Variants in NALF1 observed in about 807,000 individuals in gnomAD.
NALF1 encodes the protein NALCN channel auxiliary factor 1, also known as family with sequence similarity 155 member A.
A neutral mutation model predicts 48.4 loss-of-function variants in NALF1; 3 were observed. That is an observed-to-expected ratio of 0.06 (90% CI 0.03 to 0.16). The LOEUF (loss-of-function observed/expected upper bound fraction) is 0.16, where lower values mean the gene tolerates loss of function less well. Among genes scored for constraint, NALF1 ranks in the 10% least tolerant of loss-of-function variants. The pLI is 1.00. For missense variants in NALF1, 526 were observed against 571.5 expected, an observed-to-expected ratio of 0.92 and a Z score of 0.81; for synonymous variants, 262 against 245.7, an observed-to-expected ratio of 1.07 and a Z score of -0.62.
intron 1 of NALF1, among the ~76,000 whole-genome samples, chr13:107,333,666 A>C (rs1025627924): frequency 3.9e-5 from 6 of 152,232 alleles, no homozygotes; most frequent in African/African-American, 1.4e-4. Context: ...GAAAAAGACC[A>C]AATACTCATA....
chr13:107,691,020 C>T (rs988633009), intron 1 of NALF1, among the ~76,000 whole-genome samples: 3 of 152,188 alleles, frequency 2.0e-5, no homozygotes, highest in East Asian at 1.9e-4. Flanking sequence ...TAACTTACTT[C>T]GTAAATTCAG....
chr13:107,775,235 G>A (rs1456577704), intron 1 of NALF1, among the ~76,000 whole-genome samples: 1 of 127,502 alleles, frequency 7.8e-6, no homozygotes, highest in Non-Finnish European at 1.6e-5. Context: ...TCCCCAGAGT[G>A]TGATGTTCCC....
chr13:107,802,319 C>G (rs73585696), intron 1 of NALF1, among the ~76,000 whole-genome samples: 4,189 of 152,182 alleles, frequency 0.028, 191 homozygotes, highest in African/African-American at 0.095. Context: ...GACGAAATTA[C>G]TCCTTCCTAA....
intron 1 of NALF1, among the ~76,000 whole-genome samples, chr13:107,608,561 A>C (rs569172144): frequency 6.6e-6 from 1 of 152,326 alleles, no homozygotes; most frequent in East Asian, 1.9e-4. Flanking sequence ...AAAACCCTAA[A>C]ATACATACGA....
chr13:107,166,210 G>A lies in NALF1; in HGVS notation c.*4287C>T, dbSNP rs533657358. ...CTAATCGGCGGATCTCCCAAGGTCA[G>A]GAGTTCAAGACTAGCCTGGCCAACA... On this transcript the variant is annotated 3_prime_UTR_variant, in exon 3 of 3. Transcript: ENST00000375915. 6 of 152,218 alleles carry A rather than the reference G, an allele frequency of 3.9e-5. No homozygotes were observed. Among genetic ancestry groups the A allele is most frequent in the Non-Finnish European group, 8.8e-5 (6 of 68,076 alleles). 9.4% of individuals were successfully genotyped at this position (152,218 alleles called of 1,614,324 possible).
chr13:107,455,708 A>G (rs951559300), intron 1 of NALF1, among the ~76,000 whole-genome samples: 7 of 152,052 alleles, frequency 4.6e-5, no homozygotes, highest in Admixed American at 4.6e-4. Context: ...TCCTCTCCCC[A>G]CTAACCTCTG....
chr13:107,733,207 C>T (rs1246543739), intron 1 of NALF1, among the ~76,000 whole-genome samples: 1 of 152,150 alleles, frequency 6.6e-6, no homozygotes, highest in Non-Finnish European at 1.5e-5. Context: ...ATGCCTTATG[C>T]CGACTTAAAC....
intron 1 of NALF1, among the ~76,000 whole-genome samples, chr13:107,575,999 T>A (rs959791825): frequency 4.6e-5 from 1 of 21,580 alleles, no homozygotes; most frequent in African/African-American, 5.7e-5. Context: ...TGCATGTATA[T>A]GTGTGTGTGT....
chr13:107,558,227 GTC>G, intron 1 of NALF1, among the ~76,000 whole-genome samples: 1 of 152,030 alleles, frequency 6.6e-6, no homozygotes, highest in East Asian at 1.9e-4. Flanking sequence ...TATTCCTTGA[GTC>G]TCTTTTTTTT....
At chr13:107,307,581 T>C (rs1481549006) in intron 1 of NALF1, among the ~76,000 whole-genome samples, 1 of 149,858 alleles carries the variant, frequency 6.7e-6, no homozygotes, top group East Asian at 2.0e-4. Flanking sequence ...CCTCCCGAGT[T>C]CAGGCGATTC....
intron 1 of NALF1, among the ~76,000 whole-genome samples, chr13:107,239,000 G>A (rs879741741): frequency 1.3e-4 from 20 of 152,072 alleles, no homozygotes; most frequent in Non-Finnish European, 2.4e-4. Context: ...TATTCAAAAA[G>A]AAATATGAAA....
At chr13:107,635,919 T>C (rs1344096019) in intron 1 of NALF1, among the ~76,000 whole-genome samples, 1 of 152,046 alleles carries the variant, frequency 6.6e-6, no homozygotes, top group African/African-American at 2.4e-5. Flanking sequence ...ATCCTAAACC[T>C]CAATAAAATT....
At chr13:107,636,850 T>C (rs1879990305) in intron 1 of NALF1, among the ~76,000 whole-genome samples, 1 of 149,868 alleles carries the variant, frequency 6.7e-6, no homozygotes, top group Non-Finnish European at 1.5e-5. Flanking sequence ...GATTTAATTT[T>C]GTTGTCTTCT....
intron 1 of NALF1, among the ~76,000 whole-genome samples, chr13:107,661,512 A>G (rs1214460700): frequency 6.6e-6 from 1 of 152,180 alleles, no homozygotes; most frequent in Non-Finnish European, 1.5e-5. Context: ...GGCCAACTGA[A>G]CTAGTAGCAC....
chr13:107,767,848 T>C (rs936826239), intron 1 of NALF1, among the ~76,000 whole-genome samples: 2 of 152,198 alleles, frequency 1.3e-5, no homozygotes, highest in Non-Finnish European at 2.9e-5. Context: ...TGCTAAATCT[T>C]TAAAGAGCGT....
At chr13:107,722,680 C>T (rs1876019797) in intron 1 of NALF1, among the ~76,000 whole-genome samples, 1 of 152,182 alleles carries the variant, frequency 6.6e-6, no homozygotes, top group Non-Finnish European at 1.5e-5. Context: ...TAAATCAAAC[C>T]TGGGCTATCT....
chr13:107,642,050 A>G (rs1880171837), intron 1 of NALF1, among the ~76,000 whole-genome samples: 1 of 152,196 alleles, frequency 6.6e-6, no homozygotes, highest in South Asian at 2.1e-4. Context: ...TCCTCAGACC[A>G]GCAGCATCAA....
intron 1 of NALF1, among the ~76,000 whole-genome samples, chr13:107,330,067 G>A (rs902213657): frequency 2.0e-5 from 3 of 152,150 alleles, no homozygotes; most frequent in Non-Finnish European, 4.4e-5. Flanking sequence ...AAATCATGCA[G>A]ATCTCCCTGC....
At chr13:107,697,023 C>T (rs914522021) in intron 1 of NALF1, among the ~76,000 whole-genome samples, 5 of 151,768 alleles carry the variant, frequency 3.3e-5, no homozygotes, top group African/African-American at 9.7e-5. Context: ...GGTCAAGTAG[C>T]TATTGTGTTT....
Sources: allele counts gnomAD v4.1 joint callset (sites outside exome capture counted in the v4.1 genomes callset), GRCh38; gene constraint gnomAD v4.1.1; transcripts MANE v1.5; gene names NCBI Gene and HGNC (gene_info 2026-07-23, HGNC 2026-07-21).